Variants in CACNA1G observed in about 807,000 individuals in gnomAD.
The protein encoded by CACNA1G is voltage-dependent T-type calcium channel subunit alpha-1G.
Under a neutral mutation model 219.4 loss-of-function variants are expected in CACNA1G, and 67 were observed. The observed-to-expected ratio is 0.31, with a 90% CI of 0.25 to 0.37. The LOEUF (loss-of-function observed/expected upper bound fraction) is 0.37, where lower values mean the gene tolerates loss of function less well. CACNA1G is among the 10% of genes least tolerant of loss of function. CACNA1G has a pLI of 1.00. For synonymous variants in CACNA1G, 1,296 were observed against 1,345.3 expected (o/e 0.96, Z 0.80); for missense variants, 2,380 against 3,231.4 (o/e 0.74, Z 6.39).
At chr17:50,594,964 C>G (rs1461561747) in intron 13 of CACNA1G, 29 bp from the exon 14 acceptor site, 1 of 1,541,976 alleles carries the variant, frequency 6.5e-7, no homozygotes, top group Non-Finnish European at 8.8e-7. Context: ...TGACCAGCAG[C>G]CCTCCCCTGC....
chr17:50,582,252 G>A (rs1289186543), intron 9 of CACNA1G, among the ~76,000 whole-genome samples: 1 of 152,212 alleles, frequency 6.6e-6, no homozygotes, highest in African/African-American at 2.4e-5. Context: ...TCTGGGCTGA[G>A]TCTGAAGGAA....
chr17:50,578,253 C>G lies in CACNA1G; in HGVS notation c.1990C>G (p.Pro664Ala), dbSNP rs1428220473. 1.2e-5 allele frequency: 19 copies of G among 1,611,434 alleles called. No individual in the cohort carries two copies. In the Admixed American group the frequency reaches 2.8e-4, roughly 24 times the overall value. ...CLKADSGACG[P>A]DSCPYCARAG... The stretch of plus-strand genomic sequence containing the variant: ...GAAAGCAGACAGTGGAGCCTGTGGT[C>G]CAGACAGCTGCCCCTACTGTGCCCG... Residue 664 changes from proline (P) to alanine (A), a missense_variant, in exon 9 of 38, where the codon CCA (proline) becomes GCA (alanine). Transcript: ENST00000359106. The surrounding 1 kb of genome is among the most constrained non-coding windows in gnomAD (Gnocchi z 4.5).
chr17:50,581,810 G>A (rs1003992486), intron 9 of CACNA1G, among the ~76,000 whole-genome samples: 1 of 152,236 alleles, frequency 6.6e-6, no homozygotes, highest in Non-Finnish European at 1.5e-5. Context: ...TGCCCCATCC[G>A]CTCAGGGCGG....
intron 25 of CACNA1G, 98 bp downstream of exon 25, chr17:50,608,117 C>G: frequency 8.8e-7 from 1 of 1,141,368 alleles, no homozygotes; most frequent in Non-Finnish European, 1.3e-6. Flanking sequence ...GCGCTGGGGC[C>G]GGGGGCAGGG....
chr17:50,561,365 C>T lies in CACNA1G; in HGVS notation c.-95C>T, dbSNP rs1364679567. ...TGCGCCCTAGAGCCCACCAGATGTGCCCCCGCCGGGGCCCCCGGGTTGCGT... is the reference window on the plus strand; with the variant it reads ...TGCGCCCTAGAGCCCACCAGATGTGTCCCCGCCGGGGCCCCCGGGTTGCGT... On this transcript the variant is annotated 5_prime_UTR_variant, in exon 1 of 38. Coordinates refer to ENST00000359106, the MANE Select transcript of CACNA1G (RefSeq NM_018896.5). 1.3e-6 allele frequency: 2 copies of T among 1,490,900 alleles called. No homozygotes were observed. Among genetic ancestry groups the T allele is most frequent in the African/African-American group, 1.4e-5 (1 of 71,900 alleles). The allele number at this position is 1,490,900 out of a possible 1,614,324, so 92.4% of individuals were successfully genotyped here. A position where few individuals can be genotyped will look rare whatever the true frequency, so the allele number is the denominator to read the frequency against.
At chr17:50,624,597 G>GGAAGAATGAAAA (rs1368792986) in intron 37 of CACNA1G, 68 bp downstream of exon 37, 6 of 1,365,552 alleles carry the variant, frequency 4.4e-6, no homozygotes, top group Non-Finnish European at 6.0e-6. Flanking sequence ...GATGACCTGT[G>GGAAGAATGAAAA]TTGACACTTT....
chr17:50,585,190 G>A (rs1393324637), intron 9 of CACNA1G, among the ~76,000 whole-genome samples: 1 of 152,078 alleles, frequency 6.6e-6, no homozygotes, highest in East Asian at 1.9e-4. Context: ...CTGCCCCCTG[G>A]GCTGGAATAC....
At position 50,571,732 on chromosome 17, in the gene CACNA1G, G is replaced by A. The variant is rs895033290; in HGVS notation, c.587-146G>A. 2.8e-6 allele frequency: 2 copies of A among 714,092 alleles called. No individual in the cohort carries two copies. Among genetic ancestry groups the A allele is most frequent in the Non-Finnish European group, 4.7e-6 (2 of 429,724 alleles). The allele number at this position is 714,092 out of a possible 1,614,324, so 44.2% of individuals were successfully genotyped here. A position where few individuals can be genotyped will look rare whatever the true frequency, so the allele number is the denominator to read the frequency against. ...GCAGAGGCTATCTGGGGAGTCAGAG[G>A]TGTCTGTTGGTCTCCCCTCCAGCTT... is the stretch of plus-strand genomic sequence containing the variant. On this transcript the variant is annotated intron_variant, in intron 4 of 37. Transcript: ENST00000359106. This position sits in a 1 kb window ranked among gnomAD's most constrained non-coding sequence, Gnocchi z 4.3.
At chr17:50,613,287 C>G (rs955418258) in intron 26 of CACNA1G, among the ~76,000 whole-genome samples, 1 of 152,236 alleles carries the variant, frequency 6.6e-6, no homozygotes, top group Non-Finnish European at 1.5e-5. Flanking sequence ...GACCTGTGCT[C>G]TAATGGGGGA....
intron 4 of CACNA1G, among the ~76,000 whole-genome samples, chr17:50,570,882 C>T (rs2039287184): frequency 6.6e-6 from 1 of 152,154 alleles, no homozygotes. Flanking sequence ...AGGCTGGGCG[C>T]TGCAGTCACC....
At chr17:50,602,202 G>C (rs1568121425) in intron 19 of CACNA1G, among the ~76,000 whole-genome samples, 2 of 152,184 alleles carry the variant, frequency 1.3e-5, no homozygotes, top group South Asian at 4.1e-4. Context: ...CACTGTACCT[G>C]CTCCTCTCCT....
chr17:50,617,695 C>A lies in CACNA1G; in HGVS notation c.5155+124C>A. ...GGGTTCCCATGGGTCTTTCTCCCAG[C>A]TTCTGCCAAGGGAGGCTGGAGACAG... is the stretch of plus-strand genomic sequence containing the variant. On this transcript the variant is annotated intron_variant, in intron 29 of 37. Coordinates refer to ENST00000359106, the MANE Select transcript of CACNA1G (RefSeq NM_018896.5). This position sits in a 1 kb window ranked among gnomAD's most constrained non-coding sequence, Gnocchi z 5.8. The A allele has an allele frequency of 6.9e-7, 1 of 1,446,998 alleles. No individual in the cohort carries two copies. The highest frequency in any genetic ancestry group is 9.4e-7 in the Non-Finnish European group (1 of 1,065,802). 89.6% of individuals were successfully genotyped at this position (1,446,998 alleles called of 1,614,324 possible).
Position 50,624,365 on chromosome 17 carries a change from G to A in CACNA1G, c.6235G>A (p.Val2079Ile), listed in dbSNP as rs760269730. 5.8e-5 allele frequency: 54 copies of A among 934,232 alleles called. No individual in the cohort carries two copies. The highest frequency in any genetic ancestry group is 6.9e-5 in the Non-Finnish European group (46 of 665,642). 57.9% of individuals were successfully genotyped at this position (934,232 alleles called of 1,614,324 possible). The change falls in exon 37 of 38, where the codon GTC becomes ATC. Residue 2079 changes from valine to isoleucine, a missense_variant. By Grantham distance (29) the Val-to-Ile change is conservative (BLOSUM62 3). Coordinates refer to ENST00000359106, the MANE Select transcript of CACNA1G (RefSeq NM_018896.5). Reference sequence around the variant, plus strand: ...CCGCTTCCCTCCCTCCACAGGCTCCGTCTTGTCCGTTCACTCCCAGCCAGC... The same window carrying A: ...CCGCTTCCCTCCCTCCACAGGCTCCATCTTGTCCGTTCACTCCCAGCCAGC... ...WGLPKAQSGS[V>I]LSVHSQPADT...
chr17:50,616,389 C>T lies in CACNA1G; in HGVS notation c.5021+5C>T, dbSNP rs747327419. 28 of 1,562,880 alleles carry T rather than the reference C, an allele frequency of 1.8e-5. No homozygotes were observed. Among genetic ancestry groups the T allele is most frequent in the East Asian group, 4.5e-5 (2 of 44,614 alleles). On this transcript the variant is annotated splice_donor_5th_base_variant and intron_variant, in intron 28 of 37. Coordinates refer to ENST00000359106, the MANE Select transcript of CACNA1G (RefSeq NM_018896.5). Reference sequence around the variant, plus strand: ...CCGTCGGTTCTTCCAGGACAGGTAACGGAGAAAAGGGGGGTCTTGGGGACT... The same window carrying T: ...CCGTCGGTTCTTCCAGGACAGGTAATGGAGAAAAGGGGGGTCTTGGGGACT...
intron 34 of CACNA1G, among the ~76,000 whole-genome samples, chr17:50,620,343 G>A (rs2051535980): frequency 6.6e-6 from 1 of 152,216 alleles, no homozygotes; most frequent in Non-Finnish European, 1.5e-5. Context: ...GTGCTGTCAG[G>A]AGCCACTGAT....
At chr17:50,606,371 C>A in intron 23 of CACNA1G, 2 of 596,392 alleles carry the variant, frequency 3.4e-6, no homozygotes, top group Non-Finnish European at 5.9e-6. Context: ...ATCCTGACCC[C>A]ACCATTGTCA....
intron 17 of CACNA1G, 129 bp downstream of exon 17, chr17:50,599,988 G>A (rs556248719): frequency 2.5e-4 from 229 of 922,898 alleles, no homozygotes; most frequent in Non-Finnish European, 3.3e-4. Flanking sequence ...CCTAGAAACC[G>A]AGCTCCAAAC....
In CACNA1G at chr17:50,578,426, G is replaced by C; in HGVS notation, c.2163G>C (p.Glu721Asp). 3 of 1,612,866 alleles carry C rather than the reference G, an allele frequency of 1.9e-6. No individual in the cohort carries two copies. The highest frequency in any genetic ancestry group is 2.5e-6 in the Non-Finnish European group (3 of 1,179,450). The change falls in exon 9 of 38, where the codon GAG becomes GAC. Residue 721 changes from glutamate to aspartate, a missense_variant. Coordinates refer to ENST00000359106, the MANE Select transcript of CACNA1G (RefSeq NM_018896.5). The surrounding 1 kb of genome is among the most constrained non-coding windows in gnomAD (Gnocchi z 4.5). ...RRQRSLGPDA[E>D]PSSVLAFWRL... ...AACGGAGCCTGGGCCCAGATGCAGA[G>C]CCCAGCTCTGTGCTGGCCTTCTGGA...
Position 50,571,048 on chromosome 17 carries a change from G to T in CACNA1G, c.587-830G>T, listed in dbSNP as rs992041830. ...TGGTTCAGACCATTTGGGCCGGTTG[G>T]GTTCTAGACCTGGAGTACGGAGAGA... On this transcript the variant is annotated intron_variant, in intron 4 of 37. Transcript: ENST00000359106. This position sits in a 1 kb window ranked among gnomAD's most constrained non-coding sequence, Gnocchi z 4.3. Among the ~76,000 whole-genome samples the T allele has an allele frequency of 1.3e-5, 2 of 152,216 alleles. No homozygotes were observed. The highest frequency in any genetic ancestry group is 2.9e-5 in the Non-Finnish European group (2 of 68,044).
Sources: allele counts gnomAD v4.1 joint callset (sites outside exome capture counted in the v4.1 genomes callset), GRCh38; gene constraint gnomAD v4.1.1; non-coding constraint Gnocchi (gnomAD v3.1); transcripts MANE v1.5; gene names NCBI Gene and HGNC (gene_info 2026-07-23, HGNC 2026-07-21).